The following MLC1 variants were observed in gnomAD, a reference collection of about 807,000 sequenced individuals.
MLC1 encodes modulator of VRAC current 1.
A neutral mutation model predicts 44.7 loss-of-function variants in MLC1; 32 were observed. That is an observed-to-expected ratio of 0.72 (90% CI 0.54 to 0.96). The LOEUF is 0.96. MLC1 is among the 40% of genes least tolerant of loss of function. The pLI, the probability that MLC1 is intolerant of heterozygous loss-of-function variation, is 0.00. For missense variants in MLC1, 459 were observed against 492.2 expected (o/e 0.93, Z 0.64); for synonymous variants, 190 against 213.0 (o/e 0.89, Z 0.94).
At chr22:50,077,885 A>G (rs2062022698) in intron 5 of MLC1, among the ~76,000 whole-genome samples, 1 of 152,130 alleles carries the variant, frequency 6.6e-6, no homozygotes, top group African/African-American at 2.4e-5. Context: ...TTGGAGGGTA[A>G]TGAAACGACT....
At chr22:50,073,116 C>T (rs2061898115) in intron 8 of MLC1, among the ~76,000 whole-genome samples, 2 of 152,120 alleles carry the variant, frequency 1.3e-5, no homozygotes, top group Admixed American at 6.5e-5. Context: ...AGGCGTGGGC[C>T]CCTTCTCGGC....
chr22:50,081,045 G>GAAAGAAAGAAAGAAAGAAAGAAAGAA (rs1039828211), intron 3 of MLC1, among the ~76,000 whole-genome samples: 1 of 147,832 alleles, frequency 6.8e-6, no homozygotes, highest in Non-Finnish European at 1.5e-5. Flanking sequence ...AAGAAAGAAA[G>GAAAGAAAGAAAGAAAGAAAGAAAGAA]AAAGAAAGAA....
intron 11 of MLC1, among the ~76,000 whole-genome samples, chr22:50,063,003 T>C (rs999049172): frequency 6.6e-6 from 1 of 152,216 alleles, no homozygotes; most frequent in East Asian, 1.9e-4. Context: ...TGGGTGGGCA[T>C]TGCCTTCCCT....
chr22:50,074,447 A>C, intron 7 of MLC1, 115 bp from the exon 8 acceptor site: 1 of 953,666 alleles, frequency 1.0e-6, no homozygotes. Context: ...CTGGCCCCAG[A>C]TCTAACCGTG....
chr22:50,067,541 A>C (rs1412956230), intron 10 of MLC1, among the ~76,000 whole-genome samples: 1 of 48,126 alleles, frequency 2.1e-5, no homozygotes, highest in Non-Finnish European at 3.6e-5. Context: ...CAGTGACTCC[A>C]TCCCCCCATC....
intron 8 of MLC1, among the ~76,000 whole-genome samples, chr22:50,073,357 C>T (rs1602019363): frequency 6.6e-6 from 1 of 152,222 alleles, no homozygotes; most frequent in African/African-American, 2.4e-5. Context: ...CTGAGAACCT[C>T]GTGGGGTCTG....
At chr22:50,063,472 CAAAAAAA>C (rs1186364376) in intron 11 of MLC1, among the ~76,000 whole-genome samples, 1 of 79,582 alleles carries the variant, frequency 1.3e-5, no homozygotes, top group East Asian at 4.0e-4. Flanking sequence ...GACTCCTTCT[CAAAAAAA>C]AAAAAAAAAA....
At position 50,083,235 on chromosome 22, in the gene MLC1, C is replaced by T; in HGVS notation, c.178-62G>A. On this transcript the variant is annotated intron_variant, in intron 2 of 11. Coordinates refer to ENST00000311597, the MANE Select transcript of MLC1 (RefSeq NM_015166.4). This position sits in a 1 kb window ranked among gnomAD's most constrained non-coding sequence, Gnocchi z 4.6. Reference sequence around the variant, plus strand: ...CCCCGTCCCCAGGCTGGACCCTGACCCTTCAACTTCTGCTTCACTGTCTGT... The same window carrying T: ...CCCCGTCCCCAGGCTGGACCCTGACTCTTCAACTTCTGCTTCACTGTCTGT... The T allele has an allele frequency of 7.0e-7, 1 of 1,423,842 alleles. No homozygotes were observed. The highest frequency in any genetic ancestry group is 1.7e-5 in the Admixed American group (1 of 59,446). 88.2% of individuals were successfully genotyped at this position (1,423,842 alleles called of 1,614,324 possible).
chr22:50,076,748 C>T (rs1050815148), intron 7 of MLC1, 93 bp downstream of exon 7: 42 of 1,398,296 alleles, frequency 3.0e-5, no homozygotes, highest in African/African-American at 8.5e-5. Context: ...GCCAACTCTT[C>T]GCCAACTCGG....
At chr22:50,076,724 A>G in intron 7 of MLC1, 117 bp downstream of exon 7, 1 of 1,035,342 alleles carries the variant, frequency 9.7e-7, no homozygotes, top group Admixed American at 1.8e-5. Context: ...GCACGCCGCC[A>G]TGCGGTGTAG....
At position 50,064,191 on chromosome 22, in the gene MLC1, T is replaced by C. The variant is rs750071175; in HGVS notation, c.902A>G (p.Tyr301Cys). The change falls in exon 11 of 12, where the codon TAC becomes TGC. Residue 301 changes from tyrosine to cysteine, a missense_variant. Coordinates refer to ENST00000311597, the MANE Select transcript of MLC1 (RefSeq NM_015166.4). ...KDYPPAIKPS[Y>C]DVLLLLLLLV... is the part of the protein sequence containing the mutation. ...CAGCAGCAGCAGCAGCAGCACATCG[T>C]AGGATGGCTGCAGGCGGAAGGAGGT... The C allele has an allele frequency of 1.6e-5, 25 of 1,597,692 alleles. No homozygotes were observed. The highest frequency in any genetic ancestry group is 3.4e-5 in the Admixed American group (2 of 59,376).
chr22:50,061,040 C>T lies in MLC1; in HGVS notation c.*543G>A, dbSNP rs1479269139. 1 of 169,632 alleles carries T rather than the reference C, an allele frequency of 5.9e-6. No homozygotes were observed. Among genetic ancestry groups the T allele is most frequent in the Non-Finnish European group, 1.3e-5 (1 of 77,002 alleles). 10.5% of individuals were successfully genotyped at this position (169,632 alleles called of 1,614,324 possible). A position where few individuals can be genotyped will look rare whatever the true frequency, so the allele number is the denominator to read the frequency against. On this transcript the variant is annotated 3_prime_UTR_variant, in exon 12 of 12. Coordinates refer to ENST00000311597, the MANE Select transcript of MLC1 (RefSeq NM_015166.4). ...CAGGACAGAGGCGCCCAGCCCTGCT[C>T]TCACTGTCCAGGAAGAGCCGCTGGG...
At position 50,076,844 on chromosome 22, in the gene MLC1, G is replaced by A. The variant is rs6010165; in HGVS notation, c.594C>T (p.Tyr198=). 0.13 allele frequency: 205,547 copies of A among 1,612,906 alleles called. 13,860 individuals carry two copies. The highest frequency in any genetic ancestry group is 0.22 in the South Asian group (20,269 of 91,058). Residue 198 remains tyrosine, a synonymous_variant, in exon 7 of 12, where the codon TAC becomes TAT. Coordinates refer to ENST00000311597, the MANE Select transcript of MLC1 (RefSeq NM_015166.4). ...GAAAGAAGGGAAGTTTTCTTACTGAGTAAGATTTCAGGACCCGAGCAGGAA... is the reference window on the plus strand; with the variant it reads ...GAAAGAAGGGAAGTTTTCTTACTGAATAAGATTTCAGGACCCGAGCAGGAA... ...VPFPARVLKS[Y]SVVEVIAGIS... is the part of the protein sequence containing the mutation.
chr22:50,067,980 A>C, intron 10 of MLC1, among the ~76,000 whole-genome samples: 2 of 151,074 alleles, frequency 1.3e-5, no homozygotes, highest in Admixed American at 6.6e-5. Context: ...ACAAAAAAAC[A>C]CTAGGTATCT....
At chr22:50,063,882 CCTG>C in intron 11 of MLC1, 149 bp downstream of exon 11, 6 of 826,786 alleles carry the variant, frequency 7.3e-6, no homozygotes, top group East Asian at 3.3e-5. Flanking sequence ...ACCCCCTCCC[CCTG>C]CAGGCCACTC....
chr22:50,077,538 G>C (rs375953172), intron 5 of MLC1, 36 bp from the exon 6 acceptor site: 46 of 1,554,480 alleles, frequency 3.0e-5, no homozygotes, highest in Admixed American at 1.0e-4. Flanking sequence ...CACCGGGCCC[G>C]CCTTTCTCAC....
intron 11 of MLC1, among the ~76,000 whole-genome samples, chr22:50,062,031 A>G (rs553682260): frequency 2.0e-4 from 30 of 152,178 alleles, no homozygotes; most frequent in African/African-American, 6.8e-4. Flanking sequence ...GCCTCCAGGC[A>G]AAAGGGAGGA....
intron 1 of MLC1, 23 bp downstream of exon 1, chr22:50,085,332 C>G: frequency 2.0e-6 from 1 of 496,572 alleles, no homozygotes; most frequent in Non-Finnish European, 2.9e-6. Flanking sequence ...CTCTACTCAA[C>G]GGCTTAATGT....
chr22:50,063,925 A>ACAGGCTT, intron 11 of MLC1, 109 bp downstream of exon 11: 2 of 816,722 alleles, frequency 2.4e-6, no homozygotes, highest in Non-Finnish European at 3.3e-6. Context: ...CCTGTGGGCC[A>ACAGGCTT]CTCACCTCCC....
Sources: allele counts gnomAD v4.1 joint callset (sites outside exome capture counted in the v4.1 genomes callset), GRCh38; gene constraint gnomAD v4.1.1; non-coding constraint Gnocchi (gnomAD v3.1); transcripts MANE v1.5; gene names NCBI Gene and HGNC (gene_info 2026-07-23, HGNC 2026-07-21).